RPS6KA3: variants seen among roughly 807,000 people sequenced by gnomAD.
RPS6KA3 encodes the protein ribosomal protein S6 kinase A3.
In RPS6KA3, 4 loss-of-function variants were observed where a neutral mutation model predicts 67.2. The ratio of observed to expected loss-of-function variants is 0.06; its 90% CI spans 0.03 to 0.14. The LOEUF is 0.14. RPS6KA3 is among the 10% of genes least tolerant of loss of function. The probability of loss-of-function intolerance (pLI) is 1.00; values close to 1 mark genes in which losing one functional copy is unlikely to be tolerated. For synonymous variants in RPS6KA3, 182 were observed against 183.7 expected, an observed-to-expected ratio of 0.99 and a Z score of 0.07; for missense variants, 204 against 559.0, an observed-to-expected ratio of 0.36 and a Z score of 6.40.
intron 20 of RPS6KA3, 55 bp from the exon 21 acceptor site, chrX:20,156,304 TGGC>T: frequency 9.1e-7 from 1 of 1,095,150 alleles, no homozygotes; most frequent in African/African-American, 1.8e-5. Context: ...TCTTTTTCTA[TGGC>T]TCTTGATACT....
intron 2 of RPS6KA3, among the ~76,000 whole-genome samples, chrX:20,211,016 C>A (rs939611262): frequency 1.9e-5 from 2 of 107,211 alleles, no homozygotes; most frequent in East Asian, 2.9e-4. Context: ...AAAAAAAAAA[C>A]CTTTCAAAGA....
upstream of RPS6KA3, chrX:20,266,948 C>T: frequency 2.8e-6 from 2 of 720,205 alleles, no homozygotes; most frequent in Non-Finnish European, 3.3e-6. Context: ...CGGCTCCGCC[C>T]CCCCCGCCGG....
chrX:20,201,266 G>C (rs1438947798), intron 4 of RPS6KA3, among the ~76,000 whole-genome samples: 2 of 111,042 alleles, frequency 1.8e-5, no homozygotes, highest in African/African-American at 6.6e-5. Flanking sequence ...CTCCAGAGTA[G>C]CTAGAATCAC....
intron 2 of RPS6KA3, among the ~76,000 whole-genome samples, chrX:20,233,245 C>CTT (rs1730518820): frequency 8.9e-6 from 1 of 111,881 alleles, no homozygotes; most frequent in Non-Finnish European, 1.9e-5. Context: ...AATACTCAAA[C>CTT]AAGTATTCTC....
At chrX:20,260,861 A>C (rs1478184624) in intron 1 of RPS6KA3, among the ~76,000 whole-genome samples, 3 of 111,946 alleles carry the variant, frequency 2.7e-5, no homozygotes, top group Non-Finnish European at 5.6e-5. Context: ...ATAGGGTTAC[A>C]AAGTTATTAA....
chrX:20,193,372 G>GA, intron 7 of RPS6KA3, 115 bp downstream of exon 7: 1 of 477,671 alleles, frequency 2.1e-6, no homozygotes, highest in Non-Finnish European at 3.7e-6. Context: ...GCAGAGATGT[G>GA]AAGCACAGGC....
chrX:20,260,700 A>T (rs2070201256), intron 1 of RPS6KA3, among the ~76,000 whole-genome samples: 1 of 112,083 alleles, frequency 8.9e-6, no homozygotes, highest in South Asian at 3.6e-4. Flanking sequence ...ACTATTGTTT[A>T]TTAAAAACTT....
At chrX:20,207,718 G>A (rs1431278042) in intron 3 of RPS6KA3, among the ~76,000 whole-genome samples, 1 of 111,880 alleles carries the variant, frequency 8.9e-6, no homozygotes, top group East Asian at 2.8e-4. Context: ...AAGTCCGGCT[G>A]ACCTAGAGCC....
At chrX:20,168,939 A>T (rs2067506626) in intron 16 of RPS6KA3, among the ~76,000 whole-genome samples, 1 of 111,288 alleles carries the variant, frequency 9.0e-6, no homozygotes, top group Admixed American at 9.6e-5. Flanking sequence ...TGAGGTCTTG[A>T]CCTGCCGGGC....
intron 1 of RPS6KA3, among the ~76,000 whole-genome samples, chrX:20,237,566 T>C (rs2069445813): frequency 9.0e-6 from 1 of 111,334 alleles, no homozygotes; most frequent in African/African-American, 3.3e-5. Flanking sequence ...ATTCAGATTT[T>C]CTCTTAGCCT....
At chrX:20,155,924 T>TTA (rs1213545897) in intron 21 of RPS6KA3, among the ~76,000 whole-genome samples, 185 bp downstream of exon 21, 4 of 112,599 alleles carry the variant, frequency 3.6e-5, no homozygotes, top group African/African-American at 1.3e-4. Flanking sequence ...AAAGTCGCTC[T>TTA]TAAACTAGTT....
Position 20,238,344 on chromosome X carries a change from T to A in RPS6KA3, c.70-3530A>T, listed in dbSNP as rs1422247305. ...ATGCCCTCAACACAATGCTGACATATCAAGTTTTCTGATTAAATCCTTGTC... is the reference window on the plus strand; with the variant it reads ...ATGCCCTCAACACAATGCTGACATAACAAGTTTTCTGATTAAATCCTTGTC... On this transcript the variant is annotated intron_variant, in intron 1 of 21. Coordinates refer to ENST00000379565, the MANE Select transcript of RPS6KA3 (RefSeq NM_004586.3). Among the ~76,000 whole-genome samples the A allele has an allele frequency of 5.4e-5, 6 of 111,625 alleles. No individual in the cohort carries two copies. The Admixed American group carries it at 5.7e-4, about 11-fold the overall frequency.
chrX:20,203,435 G>GTATTT (rs1464857089), intron 4 of RPS6KA3: 1 of 109,982 alleles, frequency 9.1e-6, no homozygotes, highest in Admixed American at 9.7e-5. Flanking sequence ...CTAATTTTTT[G>GTATTT]TATTTTTAGT....
At chrX:20,171,049 G>T (rs1393498344) in intron 15 of RPS6KA3, among the ~76,000 whole-genome samples, 1 of 111,866 alleles carries the variant, frequency 8.9e-6, no homozygotes, top group Non-Finnish European at 1.9e-5. Context: ...AAAGTGCTAG[G>T]ATTACAAACG....
intron 10 of RPS6KA3, among the ~76,000 whole-genome samples, chrX:20,184,582 C>T (rs896071357): frequency 2.0e-4 from 21 of 106,986 alleles, no homozygotes; most frequent in Non-Finnish European, 3.7e-4. Flanking sequence ...ATTTTTTTAT[C>T]TTTTATTTTT....
At chrX:20,236,777 A>G (rs746749671) in intron 1 of RPS6KA3, among the ~76,000 whole-genome samples, 47 of 111,948 alleles carry the variant, frequency 4.2e-4, no homozygotes, top group African/African-American at 8.4e-4. Flanking sequence ...TTCAAAGGCT[A>G]TAACACTGCC....
At chrX:20,167,452 G>C (rs2148649536) in intron 17 of RPS6KA3, 137 bp downstream of exon 17, 1 of 579,834 alleles carries the variant, frequency 1.7e-6, no homozygotes, top group South Asian at 2.6e-5. Context: ...AGTTTATATA[G>C]AGGAAGGTCA....
intron 2 of RPS6KA3, among the ~76,000 whole-genome samples, chrX:20,225,825 G>C (rs1289719965): frequency 8.9e-6 from 1 of 111,861 alleles, no homozygotes; most frequent in African/African-American, 3.3e-5. Flanking sequence ...GTTAAGTAAA[G>C]ACAGGAAAAG....
intron 20 of RPS6KA3, among the ~76,000 whole-genome samples, chrX:20,156,895 G>GAA (rs11309187): frequency 9.5e-6 from 1 of 104,963 alleles, no homozygotes; most frequent in Non-Finnish European, 2.0e-5. Flanking sequence ...TGGTAATACT[G>GAA]AAAAAAAAAA....
Sources: allele counts gnomAD v4.1 joint callset (sites outside exome capture counted in the v4.1 genomes callset), GRCh38; gene constraint gnomAD v4.1.1; transcripts MANE v1.5; gene names NCBI Gene and HGNC (gene_info 2026-07-23, HGNC 2026-07-21).